TOX: variants seen among roughly 807,000 people sequenced by gnomAD.
The protein encoded by TOX is thymocyte selection-associated high mobility group box protein TOX.
A neutral mutation model predicts 53.7 loss-of-function variants in TOX; 11 were observed. The observed-to-expected ratio is 0.20, with a 90% CI of 0.13 to 0.34. The LOEUF (loss-of-function observed/expected upper bound fraction) is 0.34, where lower values mean the gene tolerates loss of function less well. Among genes scored for constraint, TOX ranks in the 10% least tolerant of loss-of-function variants. The probability of loss-of-function intolerance (pLI) is 1.00; values close to 1 mark genes in which losing one functional copy is unlikely to be tolerated. For synonymous variants in TOX, 225 were observed against 245.3 expected (o/e 0.92, Z 0.77); for missense variants, 570 against 664.6 (o/e 0.86, Z 1.56).
At chr8:58,830,807 T>A (rs1810441597) in intron 5 of TOX, among the ~76,000 whole-genome samples, 1 of 152,172 alleles carries the variant, frequency 6.6e-6, no homozygotes, top group Non-Finnish European at 1.5e-5. Context: ...TCTGGGTAAG[T>A]TCAAATGTCG....
chr8:58,943,341 A>C (rs898557727), intron 2 of TOX, among the ~76,000 whole-genome samples: 1 of 152,092 alleles, frequency 6.6e-6, no homozygotes, highest in Non-Finnish European at 1.5e-5. Context: ...AGACCACAAG[A>C]AGGTATATGA....
intron 3 of TOX, among the ~76,000 whole-genome samples, chr8:58,919,365 T>C (rs1267663234): frequency 1.9e-5 from 1 of 51,328 alleles, no homozygotes; most frequent in African/African-American, 9.5e-5. Context: ...GAGATATAGA[T>C]CAATGGAACA....
intron 1 of TOX, among the ~76,000 whole-genome samples, chr8:59,113,835 T>C (rs1475676840): frequency 6.6e-6 from 1 of 152,104 alleles, no homozygotes; most frequent in African/African-American, 2.4e-5. Flanking sequence ...GGAAGAATCA[T>C]CAGTATTTGA....
intron 3 of TOX, among the ~76,000 whole-genome samples, chr8:58,938,782 T>C (rs6996574): frequency 0.1 from 15,420 of 152,286 alleles, 1,003 homozygotes; most frequent in South Asian, 0.19. Context: ...TAGACTGCAA[T>C]ACTTTAATGG....
chr8:58,999,128 ACTT>A (rs765714500), intron 1 of TOX, among the ~76,000 whole-genome samples: 2 of 152,216 alleles, frequency 1.3e-5, no homozygotes, highest in East Asian at 1.9e-4. Flanking sequence ...AGTTTTTCGC[ACTT>A]CTTCTTAGTA....
At chr8:58,876,350 T>C (rs1056537559) in intron 3 of TOX, among the ~76,000 whole-genome samples, 3 of 152,172 alleles carry the variant, frequency 2.0e-5, no homozygotes, top group African/African-American at 7.2e-5. Flanking sequence ...GAATAAAATG[T>C]GTTGTGATTT....
At chr8:58,884,659 T>A (rs1811437361) in intron 3 of TOX, among the ~76,000 whole-genome samples, 1 of 152,284 alleles carries the variant, frequency 6.6e-6, no homozygotes, top group African/African-American at 2.4e-5. Context: ...TGTCTCTTGC[T>A]TAAAATCCAA....
chr8:59,013,909 C>G (rs1414417890), intron 1 of TOX, among the ~76,000 whole-genome samples: 1 of 152,196 alleles, frequency 6.6e-6, no homozygotes, highest in Non-Finnish European at 1.5e-5. Flanking sequence ...ACAGAATAAT[C>G]ATGTCCCTCT....
chr8:58,838,692 T>A (rs1467262910), intron 4 of TOX, among the ~76,000 whole-genome samples: 3 of 136,504 alleles, frequency 2.2e-5, no homozygotes, highest in East Asian at 4.3e-4. Flanking sequence ...AAGGAAGTTA[T>A]CCTTGTCTTT....
At chr8:58,939,097 C>T (rs112818275) in intron 3 of TOX, among the ~76,000 whole-genome samples, 2 of 152,190 alleles carry the variant, frequency 1.3e-5, no homozygotes, top group African/African-American at 2.4e-5. Context: ...CGAGTGACTG[C>T]ACAAGTAATT....
intron 1 of TOX, among the ~76,000 whole-genome samples, chr8:59,006,736 G>T (rs1354938724): frequency 6.6e-6 from 1 of 152,144 alleles, no homozygotes; most frequent in Non-Finnish European, 1.5e-5. Flanking sequence ...ACTGGCCTTT[G>T]CTTCTTGAGG....
intron 1 of TOX, among the ~76,000 whole-genome samples, chr8:58,997,257 C>T (rs1438859801): frequency 6.6e-6 from 1 of 151,530 alleles, no homozygotes; most frequent in Non-Finnish European, 1.5e-5. Flanking sequence ...CAGGTGGGGG[C>T]TTACTGTGAA....
chr8:59,009,733 G>A (rs1450054373), intron 1 of TOX, among the ~76,000 whole-genome samples: 1 of 151,928 alleles, frequency 6.6e-6, no homozygotes, highest in Non-Finnish European at 1.5e-5. Context: ...TCCCTTTGAG[G>A]TACTTCTCTT....
intron 7 of TOX, 119 bp from the exon 8 acceptor site, chr8:58,808,388 G>C: frequency 7.6e-7 from 1 of 1,310,372 alleles, no homozygotes; most frequent in Non-Finnish European, 1.0e-6. Flanking sequence ...CTCTGCAAGG[G>C]CAAGCCTGTC....
chr8:59,064,297 G>A (rs779984759), intron 1 of TOX, among the ~76,000 whole-genome samples: 4 of 152,168 alleles, frequency 2.6e-5, no homozygotes, highest in South Asian at 4.1e-4. Context: ...CTGGGTGATC[G>A]TATAGTCCTG....
At chr8:59,054,852 A>C (rs1376544968) in intron 1 of TOX, among the ~76,000 whole-genome samples, 1 of 150,196 alleles carries the variant, frequency 6.7e-6, no homozygotes, top group Non-Finnish European at 1.5e-5. Context: ...AGAAAGAAAA[A>C]AAGAGAGAGA....
In TOX at chr8:59,119,045, G is replaced by A. The variant is rs1805163692; in HGVS notation, c.-58C>T. ...TTCCTTTTTTAAAAAAAAGTGTTCAGCAAAACAAGCTTAGACGGAACAGAG... is the reference window on the plus strand; with the variant it reads ...TTCCTTTTTTAAAAAAAAGTGTTCAACAAAACAAGCTTAGACGGAACAGAG... On this transcript the variant is annotated 5_prime_UTR_variant, in exon 1 of 9. Coordinates refer to ENST00000361421, the MANE Select transcript of TOX (RefSeq NM_014729.3). 9.6e-6 allele frequency: 12 copies of A among 1,250,324 alleles called. No individual in the cohort carries two copies. The highest frequency in any genetic ancestry group is 1.3e-5 in the Non-Finnish European group (11 of 871,450). 77.5% of individuals were successfully genotyped at this position (1,250,324 alleles called of 1,614,324 possible). A position where few individuals can be genotyped will look rare whatever the true frequency, so the allele number is the denominator to read the frequency against.
intron 1 of TOX, among the ~76,000 whole-genome samples, chr8:59,048,258 T>C (rs1379449231): frequency 6.6e-6 from 1 of 152,198 alleles, no homozygotes; most frequent in African/African-American, 2.4e-5. Flanking sequence ...ATTCTGTTCT[T>C]GACCATTATC....
chr8:59,051,708 T>C (rs1448848954), intron 1 of TOX, among the ~76,000 whole-genome samples: 1 of 152,168 alleles, frequency 6.6e-6, no homozygotes, highest in African/African-American at 2.4e-5. Context: ...AATCTGGGCA[T>C]CCAGCAGATG....
Sources: allele counts gnomAD v4.1 joint callset (sites outside exome capture counted in the v4.1 genomes callset), GRCh38; gene constraint gnomAD v4.1.1; transcripts MANE v1.5; gene names NCBI Gene and HGNC (gene_info 2026-07-23, HGNC 2026-07-21).